The following ZNF724 variants were observed in gnomAD, a reference collection of about 807,000 sequenced individuals.
ZNF724 encodes zinc finger protein 724 pseudogene.
A neutral mutation model predicts 29.3 loss-of-function variants in ZNF724; 14 were observed. The observed-to-expected ratio is 0.48, with a 90% CI of 0.32 to 0.75. The LOEUF (loss-of-function observed/expected upper bound fraction) is 0.75, where lower values mean the gene tolerates loss of function less well. Ranked by LOEUF, ZNF724 falls within the 30% of genes least tolerant of loss-of-function variation. The pLI, the probability that ZNF724 is intolerant of heterozygous loss-of-function variation, is 0.04. For synonymous variants in ZNF724, 180 were observed against 193.6 expected, an observed-to-expected ratio of 0.93 and a Z score of 0.58; for missense variants, 557 against 571.2, an observed-to-expected ratio of 0.98 and a Z score of 0.25.
At chr19:23,245,392 T>A (rs2145795309) in intron 1 of ZNF724, among the ~76,000 whole-genome samples, 1 of 152,258 alleles carries the variant, frequency 6.6e-6, no homozygotes, top group Admixed American at 6.5e-5. Flanking sequence ...GGCAGGTGGA[T>A]CACGAGGTCA....
chr19:23,248,223 TGTG>T (rs1169285446), intron 1 of ZNF724, among the ~76,000 whole-genome samples: 4 of 152,218 alleles, frequency 2.6e-5, no homozygotes, highest in African/African-American at 9.6e-5. Context: ...ATGTTTTCAA[TGTG>T]TTGTCAGTAA....
At chr19:23,237,520 AT>A (rs1166455245) in intron 1 of ZNF724, among the ~76,000 whole-genome samples, 2 of 152,106 alleles carry the variant, frequency 1.3e-5, no homozygotes, top group Non-Finnish European at 2.9e-5. Flanking sequence ...ATAATACTTT[AT>A]ATTTCAAAAG....
intron 1 of ZNF724, among the ~76,000 whole-genome samples, chr19:23,246,024 C>G (rs1171270082): frequency 1.3e-5 from 2 of 152,042 alleles, no homozygotes; most frequent in Non-Finnish European, 2.9e-5. Flanking sequence ...GGAGGCTCCC[C>G]AGGAAGAACT....
At chr19:23,237,590 T>G (rs1321822534) in intron 1 of ZNF724, among the ~76,000 whole-genome samples, 2 of 151,942 alleles carry the variant, frequency 1.3e-5, no homozygotes, top group East Asian at 3.9e-4. Context: ...TGGTCTTATA[T>G]TCATAATATT....
intron 1 of ZNF724, among the ~76,000 whole-genome samples, chr19:23,244,197 C>T (rs1972194852): frequency 6.6e-6 from 1 of 152,030 alleles, no homozygotes; most frequent in Non-Finnish European, 1.5e-5. Context: ...AACAAGTGGC[C>T]CAGAACCCTA....
chr19:23,250,004 G>A (rs935232756), intron 1 of ZNF724, among the ~76,000 whole-genome samples: 1 of 152,212 alleles, frequency 6.6e-6, no homozygotes, highest in Non-Finnish European at 1.5e-5. Flanking sequence ...GCCCAGAGAG[G>A]GCTCCAGGTC....
Position 23,223,201 on chromosome 19 carries a change from A to T in ZNF724, c.1044T>A (p.Asn348Lys), listed in dbSNP as rs879143797. The change falls in exon 4 of 4, where the codon AAT becomes AAA. Residue 348 changes from asparagine to lysine, a missense_variant. Asn to Lys is a moderately conservative substitution (Grantham distance 94). Coordinates refer to ENST00000418100, the MANE Select transcript of ZNF724 (RefSeq NM_001355404.2). The stretch of plus-strand genomic sequence containing the variant: ...TATGTTGAGTAAGGGTTGAGGACAC[A>T]TTAAAGGCTTTGCCACATTCTTCAC... The part of the protein sequence containing the change: ...YKCEECGKAF[N>K]VSSTLTQHKR... 9.4e-7 allele frequency: 1 copy of T among 1,063,260 alleles called. No individual in the cohort carries two copies. Among genetic ancestry groups the T allele is most frequent in the Non-Finnish European group, 1.5e-6 (1 of 680,832 alleles). 65.9% of individuals were successfully genotyped at this position (1,063,260 alleles called of 1,614,324 possible).
At chr19:23,236,664 G>A (rs1342444447) in intron 1 of ZNF724, 2 of 151,996 alleles carry the variant, frequency 1.3e-5, no homozygotes, top group African/African-American at 2.4e-5. Flanking sequence ...TAAAATAAAC[G>A]TCTCTCTAAA....
chr19:23,236,347 C>T (rs749466729), intron 1 of ZNF724: 11 of 152,066 alleles, frequency 7.2e-5, no homozygotes, highest in East Asian at 1.9e-4. Context: ...TGCACCTTCA[C>T]GATAATGGGA....
rs1431983467 is a variant in ZNF724 at position 23,231,264 on chromosome 19, A to T, written c.226+2T>A. On this transcript the variant is annotated splice_donor_variant, in intron 3 of 3. Transcript: ENST00000418100. LOFTEE classifies it high-confidence loss of function. ...TCATCTGTCATATTCACTCTCACCT[A>T]CCTGGGGGTTTGGCCACCATCTCAT... The T allele has an allele frequency of 1.5e-6, 2 of 1,336,202 alleles. No individual in the cohort carries two copies. Among genetic ancestry groups the T allele is most frequent in the African/African-American group, 2.9e-5 (2 of 68,876 alleles). 82.8% of individuals were successfully genotyped at this position (1,336,202 alleles called of 1,614,324 possible). A position where few individuals can be genotyped will look rare whatever the true frequency, so the allele number is the denominator to read the frequency against.
chr19:23,248,686 C>T (rs548254143), intron 1 of ZNF724, among the ~76,000 whole-genome samples: 13 of 150,932 alleles, frequency 8.6e-5, no homozygotes, highest in African/African-American at 2.9e-4. Context: ...GAAATTTGTA[C>T]GTTCAAGGTG....
chr19:23,250,204 C>G (rs754250126), intron 1 of ZNF724, 36 bp downstream of exon 1: 6 of 598,662 alleles, frequency 1.0e-5, no homozygotes, highest in Middle Eastern at 3.0e-4. Context: ...ACCAGCCCCT[C>G]CCTCTCTCTC....
At chr19:23,230,005 T>C (rs1468109910) in intron 3 of ZNF724, among the ~76,000 whole-genome samples, 1 of 152,166 alleles carries the variant, frequency 6.6e-6, no homozygotes, top group Non-Finnish European at 1.5e-5. Context: ...ACACAGTACA[T>C]TTAAACAGGT....
chr19:23,227,559 A>AAAAAAAAAAC lies in ZNF724; in HGVS notation c.227-3542_227-3541insGTTTTTTTTT, dbSNP rs1555724209. Among the ~76,000 whole-genome samples, 8 of 110,020 alleles carry AAAAAAAAAAC rather than the reference A, an allele frequency of 7.3e-5. No individual in the cohort carries two copies. In the East Asian group the frequency reaches 1.1e-3, roughly 15 times the overall value. The allele number at this position is 110,020 out of a possible 152,430, so 72.2% of individuals were successfully genotyped here. On this transcript the variant is annotated intron_variant, in intron 3 of 3. Coordinates refer to ENST00000418100, the MANE Select transcript of ZNF724 (RefSeq NM_001355404.2). The stretch of plus-strand genomic sequence containing the variant: ...CAACAGAGTGAGGCTCCATCTCAAA[A>AAAAAAAAAAC]AAAAAAAAAAACAAAAAAAAACAAG...
Position 23,223,322 on chromosome 19 carries a change from T to C in ZNF724, c.923A>G (p.Lys308Arg). The C allele has an allele frequency of 1.3e-6, 1 of 770,140 alleles. No individual in the cohort carries two copies. The highest frequency in any genetic ancestry group is 2.5e-5 in the East Asian group (1 of 40,518). 47.7% of individuals were successfully genotyped at this position (770,140 alleles called of 1,614,324 possible). ...TRHKIIHAGE[K>R]PYICEHCGRA... is the part of the protein sequence containing the mutation. ...GCCACAATGTTCACATATGTAGGGC[T>C]TCTCTCCAGCATGAATTATCTTATG... Residue 308 changes from lysine (K) to arginine (R), a missense_variant, in exon 4 of 4, where the codon AAG becomes AGG. Lys to Arg is a conservative substitution (Grantham distance 26). This residue lies in a region of ZNF724 where 362 missense variants were observed against 295.5 expected (regional missense o/e 1.22). Transcript: ENST00000418100.
In ZNF724 at chr19:23,228,899, A is replaced by G. The variant is rs1248393556; in HGVS notation, c.226+2367T>C. On this transcript the variant is annotated intron_variant, in intron 3 of 3. Coordinates refer to ENST00000418100, the MANE Select transcript of ZNF724 (RefSeq NM_001355404.2). ...AGCGAGACTCCAAGCCCCACTTCCAAAAAAAAAAAAAAAAATTTTCCGGGC... is the reference window on the plus strand; with the variant it reads ...AGCGAGACTCCAAGCCCCACTTCCAGAAAAAAAAAAAAAAATTTTCCGGGC... Among the ~76,000 whole-genome samples, 17 of 146,178 alleles carry G rather than the reference A, an allele frequency of 1.2e-4. 1 individual carries two copies. The East Asian group carries it at 3.4e-3, about 29-fold the overall frequency.
intron 3 of ZNF724, 47 bp downstream of exon 3, chr19:23,231,219 A>T (rs983893476): frequency 9.1e-6 from 11 of 1,214,234 alleles, no homozygotes; most frequent in South Asian, 6.8e-5. Context: ...TCTCCTTGAC[A>T]TTTGGACCTC....
rs777506230 is a variant in ZNF724 at position 23,223,010 on chromosome 19, T to C, written c.1235A>G (p.His412Arg). Residue 412 changes from histidine to arginine, a missense_variant, in exon 4 of 4, where the codon CAT (histidine) becomes CGT (arginine). Physicochemically the swap from His to Arg is conservative, Grantham distance 29 (BLOSUM62 0). Coordinates refer to ENST00000418100, the MANE Select transcript of ZNF724 (RefSeq NM_001355404.2). Reference protein sequence around the residue: ...AFNTSSHLTTHKRIHTGEKPY... With the variant: ...AFNTSSHLTTRKRIHTGEKPY... Reference sequence around the variant, plus strand: ...TTTCTCTCCGGTATGAATTCTTTTATGTGTGGTGAGGTGTGAGGATGTGTT... The same window carrying C: ...TTTCTCTCCGGTATGAATTCTTTTACGTGTGGTGAGGTGTGAGGATGTGTT... The C allele has an allele frequency of 5.2e-6, 7 of 1,352,850 alleles. No individual in the cohort carries two copies. Among genetic ancestry groups the C allele is most frequent in the South Asian group, 1.2e-5 (1 of 85,556 alleles). The allele number at this position is 1,352,850 out of a possible 1,614,324, so 83.8% of individuals were successfully genotyped here. A position where few individuals can be genotyped will look rare whatever the true frequency, so the allele number is the denominator to read the frequency against.
intron 3 of ZNF724, among the ~76,000 whole-genome samples, chr19:23,225,147 T>C (rs1284195673): frequency 1.3e-5 from 2 of 152,218 alleles, no homozygotes; most frequent in Admixed American, 1.3e-4. Flanking sequence ...TATTAATCTA[T>C]ATCCAAAGTA....
Sources: allele counts gnomAD v4.1 joint callset (sites outside exome capture counted in the v4.1 genomes callset), GRCh38; gene constraint gnomAD v4.1.1; regional missense constraint gnomAD v4.1.1; transcripts MANE v1.5; gene names NCBI Gene and HGNC (gene_info 2026-07-23, HGNC 2026-07-21).